HIVEP1: variants seen among roughly 807,000 people sequenced by gnomAD.
The protein encoded by HIVEP1 is zinc finger protein 40.
HIVEP1 carries 36 observed loss-of-function variants against 180.0 expected under a neutral mutation model. The observed-to-expected ratio is 0.20, with a 90% CI of 0.15 to 0.26. The LOEUF is 0.26. Among genes scored for constraint, HIVEP1 ranks in the 10% least tolerant of loss-of-function variants. HIVEP1 has a pLI of 1.00. For missense variants in HIVEP1, 3,143 were observed against 3,268.7 expected, an observed-to-expected ratio of 0.96 and a Z score of 0.94; for synonymous variants, 1,239 against 1,239.0, an observed-to-expected ratio of 1.00 and a Z score of 0.00.
rs1280459004 is a variant in HIVEP1 at position 12,124,998 on chromosome 6, T to G, written c.5203T>G (p.Ser1735Ala). 1 of 1,614,060 alleles carries G rather than the reference T, an allele frequency of 6.2e-7. No individual in the cohort carries two copies. The change falls in exon 4 of 9, where the codon TCC becomes GCC. Residue 1735 changes from serine (S) to alanine (A), a missense_variant. Ser to Ala is a moderately conservative substitution (Grantham distance 99). Around this residue, in one of 12 missense-constraint regions of HIVEP1, gnomAD observed 1,357 missense variants for 1,260.5 expected, o/e 1.08. Transcript: ENST00000379388. ...TCAGAAAATATCTGTTGGTCGACTT[T>G]CCCCTCAACAAGAATCTTCAGCTTC... ...ITQKISVGRL[S>A]PQQESSASSK...
chr6:12,014,203 C>T (rs930889471), intron 1 of HIVEP1, among the ~76,000 whole-genome samples: 7 of 152,164 alleles, frequency 4.6e-5, no homozygotes, highest in Non-Finnish European at 1.0e-4. Context: ...TAAAGCCTGG[C>T]TTTGAACCCA....
rs777523318 is a variant in HIVEP1 at position 12,120,568 on chromosome 6, C to A, written c.773C>A (p.Ser258Tyr). The A allele has an allele frequency of 6.2e-7, 1 of 1,614,210 alleles. No individual in the cohort carries two copies. Among genetic ancestry groups the A allele is most frequent in the Non-Finnish European group, 8.5e-7 (1 of 1,180,030 alleles). Residue 258 changes from serine (S) to tyrosine (Y), a missense_variant, in exon 4 of 9, where the codon TCT becomes TAT. Ser to Tyr is a moderately radical substitution (Grantham distance 144, BLOSUM62 -2). This residue lies in a region of HIVEP1 where 306 missense variants were observed against 310.6 expected (regional missense o/e 0.99). Transcript: ENST00000379388. ...GAATTGGTTGCTGAATCACAGTCTT[C>A]TTGTACCTCATACACAGTCCATATG... ...SQELVAESQS[S>Y]CTSYTVHMSA...
intron 2 of HIVEP1, among the ~76,000 whole-genome samples, chr6:12,034,717 G>A (rs1284804892): frequency 1.3e-5 from 2 of 152,096 alleles, no homozygotes; most frequent in African/African-American, 2.4e-5. Flanking sequence ...TCCCAGTTTC[G>A]TAAAACCTAT....
At chr6:12,108,311 G>T (rs1008887355) in intron 3 of HIVEP1, among the ~76,000 whole-genome samples, 2 of 152,244 alleles carry the variant, frequency 1.3e-5, no homozygotes, top group African/African-American at 2.4e-5. Flanking sequence ...AGACTCAGGA[G>T]CCCAGCTGGC....
the HIVEP1 span, among the ~76,000 whole-genome samples, chr6:12,173,554 C>T: frequency 6.6e-5 from 10 of 152,230 alleles, no homozygotes; most frequent in African/African-American, 2.4e-4. Context: ...CAATAGAGGT[C>T]CCTACATATA....
rs1490506589 is a variant in HIVEP1, at chr6:12,124,713, C to A, written c.4918C>A (p.Leu1640Met). 6.2e-7 allele frequency: 1 copy of A among 1,614,196 alleles called. No homozygotes were observed. The highest frequency in any genetic ancestry group is 8.5e-7 in the Non-Finnish European group (1 of 1,180,036). ...ATCATCATTCATGCTGCCCATACGCCTGCAGAGTAGTGTTCCTGCTTACTG... is the reference window on the plus strand; with the variant it reads ...ATCATCATTCATGCTGCCCATACGCATGCAGAGTAGTGTTCCTGCTTACTG... ...VPSSFMLPIR[L>M]QSSVPAYCFA... Residue 1640 changes from leucine (L) to methionine (M), a missense_variant, in exon 4 of 9, where the codon CTG becomes ATG. Transcript: ENST00000379388.
At chr6:12,016,352 T>C (rs1042940276) in intron 2 of HIVEP1, among the ~76,000 whole-genome samples, 4 of 152,234 alleles carry the variant, frequency 2.6e-5, no homozygotes, top group Non-Finnish European at 5.9e-5. Flanking sequence ...ATAGCAATTA[T>C]CTTTTATATT....
chr6:12,023,681 C>T (rs1017646617), intron 2 of HIVEP1, among the ~76,000 whole-genome samples: 5 of 151,608 alleles, frequency 3.3e-5, no homozygotes, highest in Non-Finnish European at 5.9e-5. Context: ...AATTATTTTT[C>T]GGCTCATGTT....
upstream of HIVEP1, chr6:12,007,839 A>G (rs534551937): frequency 3.3e-5 from 5 of 152,120 alleles, no homozygotes; most frequent in African/African-American, 1.2e-4. Context: ...AAATAACTGT[A>G]TAACTTTAAT....
chr6:12,121,748 T>G lies in HIVEP1; in HGVS notation c.1953T>G (p.Ala651=). The G allele has an allele frequency of 6.2e-7, 1 of 1,614,142 alleles. No homozygotes were observed. The highest frequency in any genetic ancestry group is 8.5e-7 in the Non-Finnish European group (1 of 1,180,022). The change falls in exon 4 of 9, where the codon GCT becomes GCG. Residue 651 remains alanine (A), a synonymous_variant. Coordinates refer to ENST00000379388, the MANE Select transcript of HIVEP1 (RefSeq NM_002114.4). The surrounding 1 kb of genome is among the most constrained non-coding windows in gnomAD (Gnocchi z 5.3). ...ACGCCCAGCTACAAAGGCAGCAGGCTACCGATTACTCCCAAGAGCAGCAAG... is the reference window on the plus strand; with the variant it reads ...ACGCCCAGCTACAAAGGCAGCAGGCGACCGATTACTCCCAAGAGCAGCAAG... ...TVHAQLQRQQ[A]TDYSQEQQGK... is the part of the protein sequence containing the mutation.
the HIVEP1 span, among the ~76,000 whole-genome samples, chr6:12,174,239 G>A: frequency 6.6e-6 from 1 of 151,756 alleles, no homozygotes; most frequent in Non-Finnish European, 1.5e-5. Flanking sequence ...TACAAGGGTT[G>A]GAAACTTTTG....
At chr6:12,022,960 G>T (rs1768342215) in intron 2 of HIVEP1, among the ~76,000 whole-genome samples, 1 of 152,192 alleles carries the variant, frequency 6.6e-6, no homozygotes, top group African/African-American at 2.4e-5. Flanking sequence ...TTTTTTGACA[G>T]TGTTAGATGA....
chr6:12,020,326 CT>C (rs1273367190), intron 2 of HIVEP1: 1 of 471,022 alleles, frequency 2.1e-6, no homozygotes, highest in Non-Finnish European at 4.4e-6. Flanking sequence ...GAGAGCAGCA[CT>C]TGGTGTTCAG....
chr6:12,076,960 C>G (rs1307848521), intron 2 of HIVEP1, among the ~76,000 whole-genome samples: 2 of 152,066 alleles, frequency 1.3e-5, no homozygotes, highest in Non-Finnish European at 2.9e-5. Context: ...CATAGATTAC[C>G]TAGAGTAAGT....
rs758031727 is a variant in HIVEP1, at chr6:12,121,880, G to C, written c.2085G>C (p.Arg695Ser). 1 of 1,614,146 alleles carries C rather than the reference G, an allele frequency of 6.2e-7. No individual in the cohort carries two copies. Among genetic ancestry groups the C allele is most frequent in the Non-Finnish European group, 8.5e-7 (1 of 1,180,016 alleles). ...GTCCACCAACTCCCTTTGCCAGAAG[G>C]TTACCCAGCACAGAACAAGACTCTG... ...TVSPPTPFAR[R>S]LPSTEQDSGR... Residue 695 changes from arginine to serine, a missense_variant, in exon 4 of 9, where the codon AGG becomes AGC. Transcript: ENST00000379388. This position sits in a 1 kb window ranked among gnomAD's most constrained non-coding sequence, Gnocchi z 5.3.
rs761836592 is a variant in HIVEP1 at position 12,124,014 on chromosome 6, C to T, written c.4219C>T (p.Pro1407Ser). ...AACACCACTTACTGAATTGCAGCCT[C>T]CATCTTCACCTTCTCGAGTGGGAGT... is the stretch of plus-strand genomic sequence containing the variant. Reference protein sequence around the residue: ...QTTPLTELQPPSSPSRVGVTG... With the variant: ...QTTPLTELQPSSSPSRVGVTG... Residue 1407 changes from proline (P) to serine (S), a missense_variant, in exon 4 of 9, where the codon CCA (proline) becomes TCA (serine). Transcript: ENST00000379388. The T allele has an allele frequency of 2.5e-6, 4 of 1,614,154 alleles. No homozygotes were observed. The highest frequency in any genetic ancestry group is 1.3e-5 in the African/African-American group (1 of 75,036).
intron 2 of HIVEP1, among the ~76,000 whole-genome samples, chr6:12,048,706 G>T (rs79374606): frequency 1.7e-3 from 253 of 152,274 alleles, no homozygotes; most frequent in Non-Finnish European, 2.7e-3. Context: ...CTCCTTTTTA[G>T]TATTACTCAC....
chr6:12,194,314 G>GAATTTATAAATTTATAA, the HIVEP1 span, among the ~76,000 whole-genome samples: 1 of 151,982 alleles, frequency 6.6e-6, no homozygotes, highest in Non-Finnish European at 1.5e-5. Context: ...TTTTAGGAAG[G>GAATTTATAAATTTATAA]AAGTTATAAA....
At chr6:12,020,889 T>A (rs1768141313) in intron 2 of HIVEP1, among the ~76,000 whole-genome samples, 1 of 99,846 alleles carries the variant, frequency 1.0e-5, no homozygotes, top group South Asian at 3.7e-4. Flanking sequence ...TTTCTTTCTT[T>A]CTTTTTTTTT....
Sources: allele counts gnomAD v4.1 joint callset (sites outside exome capture counted in the v4.1 genomes callset), GRCh38; gene constraint gnomAD v4.1.1; regional missense constraint gnomAD v4.1.1; non-coding constraint Gnocchi (gnomAD v3.1); transcripts MANE v1.5; gene names NCBI Gene and HGNC (gene_info 2026-07-23, HGNC 2026-07-21).